Variants in CMTM7 observed in about 807,000 individuals in gnomAD.
CMTM7 encodes the protein CKLF-like MARVEL transmembrane domain-containing protein 7.
In CMTM7, 7 loss-of-function variants were observed where a neutral mutation model predicts 19.3. The ratio of observed to expected loss-of-function variants is 0.36; its 90% confidence interval spans 0.21 to 0.68. CMTM7 has a LOEUF of 0.68. CMTM7 is among the 30% of genes least tolerant of loss of function. The pLI, the probability that CMTM7 is intolerant of heterozygous loss-of-function variation, is 0.60. For missense variants in CMTM7, 193 were observed against 232.6 expected (o/e 0.83, Z 1.11); for synonymous variants, 87 against 99.3 (o/e 0.88, Z 0.74).
At chr3:32,420,719 A>G (rs1438546364) in intron 1 of CMTM7, among the ~76,000 whole-genome samples, 1 of 152,196 alleles carries the variant, frequency 6.6e-6, no homozygotes, top group Non-Finnish European at 1.5e-5. Flanking sequence ...TGTTCCCTAA[A>G]AAATGCAGCG....
At chr3:32,404,647 A>G (rs1050766111) in intron 1 of CMTM7, among the ~76,000 whole-genome samples, 12 of 152,178 alleles carry the variant, frequency 7.9e-5, no homozygotes, top group African/African-American at 2.2e-4. Context: ...CTATCTCTCC[A>G]TGTATGGAAA....
chr3:32,437,871 C>CA (rs781034545), intron 1 of CMTM7, among the ~76,000 whole-genome samples: 8 of 152,054 alleles, frequency 5.3e-5, no homozygotes, highest in Non-Finnish European at 7.3e-5. Context: ...TGCCTAGCGA[C>CA]AGAGTGAGAC....
Position 32,441,979 on chromosome 3 carries a change from A to G in CMTM7, c.299A>G (p.Tyr100Cys). The G allele has an allele frequency of 6.2e-7, 1 of 1,614,124 alleles. No individual in the cohort carries two copies. Among genetic ancestry groups the G allele is most frequent in the Non-Finnish European group, 8.5e-7 (1 of 1,180,032 alleles). The change falls in exon 2 of 5, where the codon TAC (tyrosine) becomes TGC (cysteine). Residue 100 changes from tyrosine (Y) to cysteine (C), a missense_variant. By Grantham distance (194) the Tyr-to-Cys change is radical (BLOSUM62 -2). Transcript: ENST00000334983. ...AFYLVHLFRF[Y>C]RVLTCISWPL... ...TACCTGGTCCACCTCTTCCGCTTCT[A>G]CCGCGTGCTCACCTGTATCAGCTGG...
rs116241825 is a variant in CMTM7, at chr3:32,447,651, C to T, written c.334-1803C>T. ...GTTTATAATTGTTATATCTTACTTA[C>T]GGATTCAGCTTTTCATTGTTATAAA... is the stretch of plus-strand genomic sequence containing the variant. On this transcript the variant is annotated intron_variant, in intron 2 of 4. Transcript: ENST00000334983. Among the ~76,000 whole-genome samples the T allele has an allele frequency of 7.5e-3, 1,143 of 152,196 alleles. 15 individuals are homozygous for T. The highest frequency in any genetic ancestry group is 0.026 in the African/African-American group (1,073 of 41,524).
rs919427766 is a variant in CMTM7, at chr3:32,449,879, A to G, written c.432+327A>G. Among the ~76,000 whole-genome samples, 3 of 152,172 alleles carry G rather than the reference A, an allele frequency of 2.0e-5. No individual in the cohort carries two copies. The highest frequency in any genetic ancestry group is 7.2e-5 in the African/African-American group (3 of 41,440). ...TTTGCTCGTTGGCTGCCTCAGCACT[A>G]TGCAGAGACAGATGCTGGAGCCTCT... On this transcript the variant is annotated intron_variant, in intron 3 of 4. Transcript: ENST00000334983. The surrounding 1 kb of genome is among the most constrained non-coding windows in gnomAD (Gnocchi z 4.5).
intron 1 of CMTM7, among the ~76,000 whole-genome samples, chr3:32,410,632 G>A (rs1399357268): frequency 6.6e-6 from 1 of 152,214 alleles, no homozygotes; most frequent in Admixed American, 6.5e-5. Flanking sequence ...GTCACAGAGA[G>A]GCTAGGATGC....
chr3:32,404,160 TTC>T (rs1559401402), intron 1 of CMTM7, among the ~76,000 whole-genome samples: 24 of 71,052 alleles, frequency 3.4e-4, no homozygotes, highest in African/African-American at 6.8e-4. Flanking sequence ...TTCTTTTTTT[TTC>T]TTTTTTTTTT....
chr3:32,442,763 T>C (rs1445000565), intron 2 of CMTM7, among the ~76,000 whole-genome samples: 2 of 152,180 alleles, frequency 1.3e-5, no homozygotes, highest in Non-Finnish European at 2.9e-5. Context: ...TTTTAAAGCT[T>C]CATTGAGATG....
intron 4 of CMTM7, among the ~76,000 whole-genome samples, chr3:32,452,674 C>G (rs753759299): frequency 2.0e-5 from 3 of 152,106 alleles, no homozygotes; most frequent in Non-Finnish European, 4.4e-5. Context: ...CTCCACACAT[C>G]CAAGGATGCC....
At chr3:32,437,134 T>C (rs1396988910) in intron 1 of CMTM7, among the ~76,000 whole-genome samples, 1 of 152,180 alleles carries the variant, frequency 6.6e-6, no homozygotes, top group Non-Finnish European at 1.5e-5. Context: ...TTCCAAAAAA[T>C]CATGTCTTCT....
chr3:32,410,496 CA>C (rs1177929765), intron 1 of CMTM7, among the ~76,000 whole-genome samples: 2 of 152,200 alleles, frequency 1.3e-5, no homozygotes, highest in Non-Finnish European at 2.9e-5. Context: ...CTGTGTCAGA[CA>C]CCTGCTGAGG....
chr3:32,418,989 G>T (rs892193437), intron 1 of CMTM7, among the ~76,000 whole-genome samples: 2 of 152,126 alleles, frequency 1.3e-5, no homozygotes, highest in Admixed American at 1.3e-4. Context: ...GGGAGAATTG[G>T]CTCATTAATA....
In CMTM7 at chr3:32,431,190, G is replaced by A. The variant is rs147367574; in HGVS notation, c.160-10650G>A. Among the ~76,000 whole-genome samples, 11 of 152,288 alleles carry A rather than the reference G, an allele frequency of 7.2e-5. No individual in the cohort carries two copies. In the East Asian group the frequency reaches 2.1e-3, roughly 29 times the overall value. On this transcript the variant is annotated intron_variant, in intron 1 of 4. Coordinates refer to ENST00000334983, the MANE Select transcript of CMTM7 (RefSeq NM_138410.4). ...GAAAATGTCTTTTTAAGAGGCAGAG[G>A]ATAAAACTATATGTACAGTATGATC...
intron 1 of CMTM7, among the ~76,000 whole-genome samples, chr3:32,415,445 A>G (rs1696246154): frequency 6.6e-6 from 1 of 152,170 alleles, no homozygotes; most frequent in South Asian, 2.1e-4. Flanking sequence ...CCTTTTCAGT[A>G]GGCCCTCCCG....
rs1055973802 is a variant in CMTM7 at position 32,455,326 on chromosome 3, G to A, written c.*1072G>A. The A allele has an allele frequency of 6.6e-6, 1 of 152,236 alleles. No homozygotes were observed. The highest frequency in any genetic ancestry group is 6.5e-5 in the Admixed American group (1 of 15,282). The allele number at this position is 152,236 out of a possible 1,614,324, so 9.4% of individuals were successfully genotyped here. A position where few individuals can be genotyped will look rare whatever the true frequency, so the allele number is the denominator to read the frequency against. On this transcript the variant is annotated 3_prime_UTR_variant, in exon 5 of 5. Transcript: ENST00000334983. Reference sequence around the variant, plus strand: ...GACCACATTTTTAGAAATGAAATCGGGGCTCCATCCCCAGGCACAGGGCAA... The same window carrying A: ...GACCACATTTTTAGAAATGAAATCGAGGCTCCATCCCCAGGCACAGGGCAA...
At chr3:32,400,123 G>A (rs1275477568) in intron 1 of CMTM7, among the ~76,000 whole-genome samples, 2 of 152,030 alleles carry the variant, frequency 1.3e-5, no homozygotes, top group African/African-American at 2.4e-5. Context: ...AGGACCAAGC[G>A]ATTTTCCTGC....
At chr3:32,393,669 A>G (rs1308189969) in intron 1 of CMTM7, among the ~76,000 whole-genome samples, 1 of 151,406 alleles carries the variant, frequency 6.6e-6, no homozygotes, top group South Asian at 2.1e-4. Context: ...ATGGGCCTCT[A>G]GTCCCAGTTA....
chr3:32,395,303 G>A (rs1234581038), intron 1 of CMTM7, among the ~76,000 whole-genome samples: 2 of 151,892 alleles, frequency 1.3e-5, no homozygotes, highest in African/African-American at 4.8e-5. Context: ...GCGCCTGCAT[G>A]AGACTCTTTT....
chr3:32,397,940 T>C (rs1232506366), intron 1 of CMTM7, among the ~76,000 whole-genome samples: 2 of 152,164 alleles, frequency 1.3e-5, no homozygotes, highest in African/African-American at 4.8e-5. Flanking sequence ...AACGTTCTGA[T>C]AGTTGCCCAC....
Sources: gnomAD v4.1 joint callset for allele counts (sites outside exome capture counted in the v4.1 genomes callset) on GRCh38, gnomAD v4.1.1 for gene constraint, Gnocchi (gnomAD v3.1) non-coding constraint, MANE v1.5 for transcripts, NCBI Gene and HGNC (gene_info 2026-07-23, HGNC 2026-07-21) for gene names.